Variants in VPS13B observed in about 807,000 individuals in gnomAD.
VPS13B encodes vacuolar protein sorting 13 homolog B, also known as intermembrane lipid transfer protein VPS13B.
A neutral mutation model predicts 426.4 loss-of-function variants in VPS13B; 285 were observed. That is an observed-to-expected ratio of 0.67 (90% CI 0.61 to 0.74). The LOEUF (loss-of-function observed/expected upper bound fraction) is 0.74, where lower values mean the gene tolerates loss of function less well. Ranked by LOEUF, VPS13B falls within the 30% of genes least tolerant of loss-of-function variation. The pLI, the probability that VPS13B is intolerant of heterozygous loss-of-function variation, is 0.00. For synonymous variants in VPS13B, 1,676 were observed against 1,676.4 expected, an observed-to-expected ratio of 1.00 and a Z score of 0.01; for missense variants, 4,537 against 4,782.6, an observed-to-expected ratio of 0.95 and a Z score of 1.51.
At chr8:99,019,297 C>T (rs953309193) in intron 2 of VPS13B, among the ~76,000 whole-genome samples, 7 of 149,758 alleles carry the variant, frequency 4.7e-5, no homozygotes, top group Non-Finnish European at 7.4e-5. Context: ...ACCTCTACTT[C>T]CTGGGTTCAA....
rs543436063 is a variant in VPS13B, at chr8:99,744,970, TA to T, written c.7051-21794del. 5.5e-3 allele frequency among the ~76,000 whole-genome samples: 803 copies of T among 147,170 alleles called. 2 individuals carry two copies. The highest frequency in any genetic ancestry group is 0.013 in the African/African-American group (538 of 40,380). ...ATGTACCCTAAAACTTAAAGTATAA[TA>T]AAAAAAAAAGAACCTATCAGTTTTT... On this transcript the variant is annotated intron_variant, in intron 39 of 61. Coordinates refer to ENST00000357162, the MANE Select transcript of VPS13B (RefSeq NM_152564.5).
At chr8:99,014,110 CTTTTTTTTTTTTTT>C (rs1211028912) in intron 2 of VPS13B, among the ~76,000 whole-genome samples, 175 bp downstream of exon 2, 5 of 72,308 alleles carry the variant, frequency 6.9e-5, no homozygotes, top group South Asian at 6.0e-4. Flanking sequence ...TTCTTTCTTT[CTTTTTTTTTTTTTT>C]TTTTTTTTTT....
chr8:99,766,729 A>G (rs1182506797), intron 39 of VPS13B, 45 bp from the exon 40 acceptor site: 3 of 1,493,272 alleles, frequency 2.0e-6, no homozygotes, highest in Middle Eastern at 1.8e-4. Flanking sequence ...ATATAAAAGC[A>G]TAGTTTCTAT....
At chr8:99,249,267 A>G (rs1817378856) in intron 17 of VPS13B, among the ~76,000 whole-genome samples, 1 of 152,104 alleles carries the variant, frequency 6.6e-6, no homozygotes. Context: ...TTGTTAAATC[A>G]TTTATCTGTT....
intron 36 of VPS13B, 142 bp from the exon 37 acceptor site, chr8:99,717,029 A>G (rs1588650900): frequency 1.3e-6 from 1 of 764,894 alleles, no homozygotes; most frequent in East Asian, 2.7e-5. Context: ...TATAAACGGC[A>G]TGAAACGGTG....
intron 33 of VPS13B, among the ~76,000 whole-genome samples, chr8:99,621,009 A>AT (rs1414868846): frequency 6.8e-6 from 1 of 147,436 alleles, no homozygotes; most frequent in Non-Finnish European, 1.5e-5. Context: ...AAAAAAAAAA[A>AT]AGTGCCATGT....
chr8:99,616,404 G>A lies in VPS13B; in HGVS notation c.5221-25407G>A, dbSNP rs558479059. Among the ~76,000 whole-genome samples the A allele has an allele frequency of 2.6e-5, 4 of 152,326 alleles. No homozygotes were observed. The South Asian group carries it at 8.3e-4, about 32-fold the overall frequency. ...AAGGAAATGATCAGTTCTGCCTATA[G>A]GGGTGAAGGAGAGGTATCTCAAGAC... On this transcript the variant is annotated intron_variant, in intron 33 of 61. Coordinates refer to ENST00000357162, the MANE Select transcript of VPS13B (RefSeq NM_152564.5).
At chr8:99,358,702 GCAGA>G (rs1426884583) in intron 19 of VPS13B, among the ~76,000 whole-genome samples, 3 of 152,186 alleles carry the variant, frequency 2.0e-5, no homozygotes, top group Admixed American at 6.5e-5. Flanking sequence ...CTGAAGAATA[GCAGA>G]CAGTTATGAG....
intron 24 of VPS13B, among the ~76,000 whole-genome samples, chr8:99,477,536 T>C (rs919925263): frequency 6.6e-6 from 1 of 152,210 alleles, no homozygotes; most frequent in African/African-American, 2.4e-5. Flanking sequence ...AGCCAGTGTG[T>C]ACGTTTCTTG....
At chr8:99,851,207 A>C (rs538621541) in intron 55 of VPS13B, among the ~76,000 whole-genome samples, 1 of 152,342 alleles carries the variant, frequency 6.6e-6, no homozygotes, top group African/African-American at 2.4e-5. Context: ...GCAAACTTTC[A>C]TGAGAAAGGT....
chr8:99,123,678 A>T (rs952236376), intron 8 of VPS13B, among the ~76,000 whole-genome samples: 1 of 152,112 alleles, frequency 6.6e-6, no homozygotes, highest in Non-Finnish European at 1.5e-5. Flanking sequence ...AGGTGATGAA[A>T]AGTGATTGTG....
At position 99,414,180 on chromosome 8, in the gene VPS13B, C is replaced by T. The variant is rs1032122949; in HGVS notation, c.3083-17357C>T. ...ATCATTATGTAATGCCCTTCTTTGT[C>T]TTTTTGATCTTTGTTGGTTTAAAGT... is the stretch of plus-strand genomic sequence containing the variant. On this transcript the variant is annotated intron_variant, in intron 21 of 61. Transcript: ENST00000357162. 5.1e-4 allele frequency among the ~76,000 whole-genome samples: 76 copies of T among 149,516 alleles called. 1 individual carries two copies. Among genetic ancestry groups the T allele is most frequent in the South Asian group, 4.2e-4 (2 of 4,766 alleles).
chr8:99,036,215 C>T (rs1212456055), intron 2 of VPS13B, among the ~76,000 whole-genome samples: 1 of 151,902 alleles, frequency 6.6e-6, no homozygotes, highest in East Asian at 1.9e-4. Context: ...TCCCTTTTCT[C>T]TGTTATTTTA....
chr8:99,578,473 TA>T (rs922840113), intron 33 of VPS13B, among the ~76,000 whole-genome samples: 1 of 152,056 alleles, frequency 6.6e-6, no homozygotes, highest in South Asian at 2.1e-4. Flanking sequence ...TCTTTATTTT[TA>T]AAAAAATTAT....
chr8:99,741,284 T>C (rs2130474706), intron 39 of VPS13B, among the ~76,000 whole-genome samples: 1 of 152,274 alleles, frequency 6.6e-6, no homozygotes, highest in South Asian at 2.1e-4. Flanking sequence ...CTATCCTAAA[T>C]ATATATGCAC....
At chr8:99,502,811 T>C in intron 26 of VPS13B, 25 bp from the exon 27 acceptor site, 2 of 1,482,280 alleles carry the variant, frequency 1.3e-6, no homozygotes, top group Non-Finnish European at 1.9e-6. Flanking sequence ...ACTGTGTTGA[T>C]ATTACTGCTT....
intron 17 of VPS13B, among the ~76,000 whole-genome samples, chr8:99,210,752 C>T (rs945950133): frequency 2.6e-5 from 4 of 152,028 alleles, no homozygotes; most frequent in African/African-American, 7.2e-5. Context: ...ACCACAAGTG[C>T]CCACCAGCAT....
intron 19 of VPS13B, among the ~76,000 whole-genome samples, chr8:99,299,375 G>A (rs1820233630): frequency 6.6e-6 from 1 of 151,654 alleles, no homozygotes; most frequent in Non-Finnish European, 1.5e-5. Flanking sequence ...TTATTCCACC[G>A]CTTTACGTTT....
intron 33 of VPS13B, among the ~76,000 whole-genome samples, chr8:99,631,211 TC>T: frequency 6.6e-6 from 1 of 152,108 alleles, no homozygotes; most frequent in Admixed American, 6.6e-5. Flanking sequence ...CAAAATTTCT[TC>T]CCAAGAATTT....
Sources: allele counts gnomAD v4.1 joint callset (sites outside exome capture counted in the v4.1 genomes callset), GRCh38; gene constraint gnomAD v4.1.1; transcripts MANE v1.5; gene names NCBI Gene and HGNC (gene_info 2026-07-23, HGNC 2026-07-21).